WTAP: variants seen among roughly 807,000 people sequenced by gnomAD.
The protein encoded by WTAP is WT1 associated protein.
A neutral mutation model predicts 50.0 loss-of-function variants in WTAP; 8 were observed. The observed-to-expected ratio is 0.16, with a 90% CI of 0.09 to 0.29. WTAP has a LOEUF of 0.29. WTAP is among the 10% of genes least tolerant of loss of function. The probability of loss-of-function intolerance (pLI) is 1.00; values close to 1 mark genes in which losing one functional copy is unlikely to be tolerated. For synonymous variants in WTAP, 194 were observed against 169.0 expected (o/e 1.15, Z -1.15); for missense variants, 295 against 470.7 (o/e 0.63, Z 3.45).
chr6:159,740,948 C>T lies in WTAP; in HGVS notation c.87-1140C>T, dbSNP rs190170777. Among the ~76,000 whole-genome samples the T allele has an allele frequency of 7.9e-5, 12 of 152,062 alleles. No individual in the cohort carries two copies. In the South Asian group the frequency reaches 8.3e-4, roughly 11 times the overall value. On this transcript the variant is annotated intron_variant, in intron 3 of 7. Transcript: ENST00000621533. ...TGATTTCTTGACCTCATGATCTGCC[C>T]GCCTCGGCCTCCCAAAGTGCTGGGA...
intron 4 of WTAP, among the ~76,000 whole-genome samples, 196 bp downstream of exon 4, chr6:159,742,342 G>GGT (rs995526814): frequency 3.3e-5 from 5 of 152,132 alleles, no homozygotes; most frequent in Non-Finnish European, 7.4e-5. Context: ...AGAAGACAGA[G>GGT]GTGTAATAGT....
chr6:159,728,976 T>G (rs1778398256), intron 1 of WTAP, among the ~76,000 whole-genome samples: 1 of 152,236 alleles, frequency 6.6e-6, no homozygotes, highest in Non-Finnish European at 1.5e-5. Flanking sequence ...TATTTTTACA[T>G]GGCTCTTTTA....
intron 1 of WTAP, among the ~76,000 whole-genome samples, chr6:159,728,170 T>C (rs944431025): frequency 6.6e-6 from 1 of 152,268 alleles, no homozygotes; most frequent in African/African-American, 2.4e-5. Context: ...AGACTTCCAT[T>C]TTTAAATGAG....
intron 1 of WTAP, among the ~76,000 whole-genome samples, chr6:159,733,803 C>A (rs1228617624): frequency 6.6e-6 from 1 of 151,928 alleles, no homozygotes; most frequent in African/African-American, 2.4e-5. Flanking sequence ...GTAATCCCAG[C>A]TACTTGGGAG....
intron 2 of WTAP, among the ~76,000 whole-genome samples, chr6:159,737,726 A>G (rs1779007655): frequency 6.6e-6 from 1 of 152,172 alleles, no homozygotes; most frequent in African/African-American, 2.4e-5. Context: ...TCCCGAGTTC[A>G]AGATATACTC....
Position 159,744,694 on chromosome 6 carries a change from C to T in WTAP, c.273+902C>T, listed in dbSNP as rs1382233677. 2.0e-5 allele frequency among the ~76,000 whole-genome samples: 3 copies of T among 152,238 alleles called. No homozygotes were observed. In the East Asian group the frequency reaches 5.8e-4, roughly 29 times the overall value. On this transcript the variant is annotated intron_variant, in intron 5 of 7. Transcript: ENST00000621533. ...TACTTTGCTAAAGGCTGGCTTTTAT[C>T]ATTTTCTTTACTTTTTTTTCCCACT...
intron 3 of WTAP, among the ~76,000 whole-genome samples, chr6:159,740,701 T>C (rs1779200297): frequency 6.6e-6 from 1 of 151,490 alleles, no homozygotes; most frequent in East Asian, 1.9e-4. Context: ...TTTTTTCTTT[T>C]TTCTTTCTTT....
chr6:159,743,743 T>C lies in WTAP; in HGVS notation c.224T>C (p.Ile75Thr). 1 of 1,613,610 alleles carries C rather than the reference T, an allele frequency of 6.2e-7. No individual in the cohort carries two copies. Among genetic ancestry groups the C allele is most frequent in the Non-Finnish European group, 8.5e-7 (1 of 1,179,746 alleles). ...QQQESARREN[I>T]LVMRLATKEQ... The stretch of plus-strand genomic sequence containing the variant: ...CAGGAGTCTGCACGCAGGGAAAACA[T>C]CCTTGTAATGCGACTAGCAACCAAG... The change falls in exon 5 of 8, where the codon ATC becomes ACC. Residue 75 changes from isoleucine to threonine, a missense_variant. Transcript: ENST00000621533.
chr6:159,727,496 G>A, upstream of WTAP: 3 of 993,676 alleles, frequency 3.0e-6, no homozygotes, highest in South Asian at 8.8e-5. Context: ...GGGCGGCGGG[G>A]CCTGGTTTCC....
At chr6:159,753,927 G>T (rs567802353) in intron 7 of WTAP, among the ~76,000 whole-genome samples, 1 of 152,280 alleles carries the variant, frequency 6.6e-6, no homozygotes, top group African/African-American at 2.4e-5. Context: ...TGTATTCATT[G>T]TTTGAAAGGG....
chr6:159,737,387 A>G (rs1778987201), intron 2 of WTAP, among the ~76,000 whole-genome samples: 1 of 152,140 alleles, frequency 6.6e-6, no homozygotes, highest in Non-Finnish European at 1.5e-5. Flanking sequence ...CCCTCGTTCC[A>G]TTTTATGGTA....
rs369164680 is a variant in WTAP, at chr6:159,741,420, T to A, written c.87-668T>A. Among the ~76,000 whole-genome samples the A allele has an allele frequency of 7.9e-5, 12 of 152,298 alleles. 1 individual carries two copies. In the East Asian group the frequency reaches 1.5e-3, roughly 20 times the overall value. Reference sequence around the variant, plus strand: ...TGGTATTTTCCCAAAAGAGCCAAGATAAAGAACCTTCAATTCTACATAATG... The same window carrying A: ...TGGTATTTTCCCAAAAGAGCCAAGAAAAAGAACCTTCAATTCTACATAATG... On this transcript the variant is annotated intron_variant, in intron 3 of 7. Transcript: ENST00000621533.
Position 159,736,244 on chromosome 6 carries a change from A to T in WTAP, c.-8-14A>T. The stretch of plus-strand genomic sequence containing the variant: ...AAATAAATTGAACTTGTTTTCCGCA[A>T]CTTTTTTTTTTAGGATTCAAGATGA... On this transcript the variant is annotated splice_polypyrimidine_tract_variant and intron_variant, in intron 1 of 7. Transcript: ENST00000621533. 6.3e-7 allele frequency: 1 copy of T among 1,588,136 alleles called. No individual in the cohort carries two copies. Among genetic ancestry groups the T allele is most frequent in the Non-Finnish European group, 8.6e-7 (1 of 1,168,150 alleles).
intron 1 of WTAP, among the ~76,000 whole-genome samples, chr6:159,732,406 A>G (rs1013484848): frequency 2.6e-5 from 4 of 152,174 alleles, no homozygotes; most frequent in Non-Finnish European, 5.9e-5. Context: ...GATCTCTACC[A>G]CAGTACCTGT....
At chr6:159,731,059 T>G (rs867881599) in intron 1 of WTAP, 1 of 152,184 alleles carries the variant, frequency 6.6e-6, no homozygotes. Context: ...TAGAATCGCT[T>G]GAACCCGGGA....
intron 2 of WTAP, 90 bp from the exon 3 acceptor site, chr6:159,738,900 C>G (rs529498318): frequency 2.1e-6 from 2 of 935,414 alleles, no homozygotes; most frequent in South Asian, 3.2e-5. Flanking sequence ...CCGTTTAAAT[C>G]TCACACTTGG....
At chr6:159,747,468 T>A (rs1172074139) in intron 5 of WTAP, among the ~76,000 whole-genome samples, 1 of 151,942 alleles carries the variant, frequency 6.6e-6, no homozygotes, top group Non-Finnish European at 1.5e-5. Flanking sequence ...TTCGGATCTA[T>A]TCAGAAGGGG....
At chr6:159,745,417 T>G (rs1340956196) in intron 5 of WTAP, among the ~76,000 whole-genome samples, 1 of 151,990 alleles carries the variant, frequency 6.6e-6, no homozygotes, top group African/African-American at 2.4e-5. Context: ...TCAACTATAA[T>G]GGAACCTAAC....
chr6:159,746,138 G>A (rs571554898), intron 5 of WTAP, among the ~76,000 whole-genome samples: 14 of 152,166 alleles, frequency 9.2e-5, no homozygotes, highest in Non-Finnish European at 1.3e-4. Flanking sequence ...ATTTAAAATT[G>A]TTCGTTAGAT....
Sources: allele counts gnomAD v4.1 joint callset (sites outside exome capture counted in the v4.1 genomes callset), GRCh38; gene constraint gnomAD v4.1.1; transcripts MANE v1.5; gene names NCBI Gene and HGNC (gene_info 2026-07-23, HGNC 2026-07-21).